Variants in SNX29 observed in about 807,000 individuals in gnomAD.
The protein encoded by SNX29 is sorting nexin 29, also known as sorting nexin-29.
A neutral mutation model predicts 102.1 loss-of-function variants in SNX29; 78 were observed. The observed-to-expected ratio is 0.76, with a 90% CI of 0.64 to 0.92. SNX29 has a LOEUF of 0.92. Among genes scored for constraint, SNX29 ranks in the 40% least tolerant of loss-of-function variants. SNX29 has a pLI of 0.00. For synonymous variants in SNX29, 580 were observed against 414.5 expected (o/e 1.40, Z -4.85); for missense variants, 1,280 against 1,061.7 (o/e 1.21, Z -2.86).
intron 13 of SNX29, among the ~76,000 whole-genome samples, chr16:12,174,057 C>T (rs1160275552): frequency 1.3e-5 from 2 of 152,226 alleles, no homozygotes; most frequent in South Asian, 2.1e-4. Flanking sequence ...GTTGGGATTA[C>T]AGACATGAGC....
At chr16:12,512,829 T>C (rs937175254) in intron 19 of SNX29, among the ~76,000 whole-genome samples, 11 of 152,142 alleles carry the variant, frequency 7.2e-5, no homozygotes, top group African/African-American at 1.7e-4. Flanking sequence ...ATGGACTCAA[T>C]CAATGCCTGG....
Position 12,008,518 on chromosome 16 carries a change from C to T in SNX29, c.122+5475C>T, listed in dbSNP as rs191561486. On this transcript the variant is annotated intron_variant, in intron 3 of 20. Coordinates refer to ENST00000566228, the MANE Select transcript of SNX29 (RefSeq NM_032167.5). ...TCCCGACCTCAGGTGATCCTCCCGCCTCGGCCTCCCAAAGTGCTGGGATTA... is the reference window on the plus strand; with the variant it reads ...TCCCGACCTCAGGTGATCCTCCCGCTTCGGCCTCCCAAAGTGCTGGGATTA... 1.3e-3 allele frequency among the ~76,000 whole-genome samples: 199 copies of T among 152,216 alleles called. 3 individuals are homozygous for T. In the Middle Eastern group the frequency reaches 0.024, roughly 18 times the overall value.
chr16:12,058,381 A>C lies in SNX29; in HGVS notation c.1125-3147A>C, dbSNP rs1322470730. 2.6e-5 allele frequency among the ~76,000 whole-genome samples: 4 copies of C among 152,032 alleles called. No individual in the cohort carries two copies. In the East Asian group the frequency reaches 7.7e-4, roughly 29 times the overall value. On this transcript the variant is annotated intron_variant, in intron 8 of 20. Coordinates refer to ENST00000566228, the MANE Select transcript of SNX29 (RefSeq NM_032167.5). ...AACAGTTGTAATAATGAGTGGTTTT[A>C]AGCCAATCAAGGCACCAGATACTGA...
chr16:12,291,411 C>T (rs978612866), intron 15 of SNX29, among the ~76,000 whole-genome samples: 11 of 152,256 alleles, frequency 7.2e-5, no homozygotes, highest in African/African-American at 1.2e-4. Flanking sequence ...GAGAACAGCA[C>T]GGGAAAGACC....
intron 13 of SNX29, among the ~76,000 whole-genome samples, chr16:12,182,933 C>CAAA (rs575698544): frequency 8.0e-4 from 37 of 46,350 alleles, no homozygotes; most frequent in Non-Finnish European, 9.4e-4. Flanking sequence ...GACTCTGTCT[C>CAAA]AAAAAAAAAA....
intron 14 of SNX29, among the ~76,000 whole-genome samples, chr16:12,234,276 G>C (rs1270071644): frequency 6.6e-6 from 1 of 152,124 alleles, no homozygotes; most frequent in African/African-American, 2.4e-5. Flanking sequence ...TTGCAAATCA[G>C]TGGTTTCAAT....
intron 15 of SNX29, among the ~76,000 whole-genome samples, chr16:12,311,752 G>A (rs753059126): frequency 1.3e-5 from 2 of 152,234 alleles, no homozygotes; most frequent in Non-Finnish European, 2.9e-5. Flanking sequence ...CAGAGAGCTT[G>A]GCCATCTCTG....
intron 17 of SNX29, among the ~76,000 whole-genome samples, chr16:12,400,536 A>G (rs765655597): frequency 6.6e-6 from 1 of 152,168 alleles, no homozygotes; most frequent in Admixed American, 6.5e-5. Context: ...CTCATCCTCA[A>G]CTTGGCCAAC....
chr16:12,570,027 A>G lies in SNX29; in HGVS notation c.*1398A>G. ...TAAAATGAGAACTGCCCAGGTGAGC[A>G]TGGAGCATCTCCTAGGCTCGAGGAC... is the stretch of plus-strand genomic sequence containing the variant. On this transcript the variant is annotated 3_prime_UTR_variant, in exon 21 of 21. Coordinates refer to ENST00000566228, the MANE Select transcript of SNX29 (RefSeq NM_032167.5). The G allele has an allele frequency of 2.8e-6, 1 of 354,658 alleles. No homozygotes were observed. Among genetic ancestry groups the G allele is most frequent in the East Asian group, 5.9e-5 (1 of 16,990 alleles). 22.0% of individuals were successfully genotyped at this position (354,658 alleles called of 1,614,324 possible). A position where few individuals can be genotyped will look rare whatever the true frequency, so the allele number is the denominator to read the frequency against.
At chr16:12,450,820 A>T (rs1110577) in intron 18 of SNX29, among the ~76,000 whole-genome samples, 59,698 of 151,812 alleles carry the variant, frequency 0.39, 11,996 homozygotes, top group African/African-American at 0.47. Context: ...TCGATCAGGG[A>T]CCATTTGGAG....
intron 1 of SNX29, among the ~76,000 whole-genome samples, chr16:11,993,706 C>T (rs1377312225): frequency 6.6e-6 from 1 of 152,110 alleles, no homozygotes; most frequent in African/African-American, 2.4e-5. Flanking sequence ...CTCTTTCTCT[C>T]CAGGAGGTCA....
At chr16:12,285,815 T>G (rs2079576404) in intron 15 of SNX29, among the ~76,000 whole-genome samples, 2 of 152,356 alleles carry the variant, frequency 1.3e-5, no homozygotes, top group South Asian at 4.1e-4. Flanking sequence ...TACATTAAAC[T>G]GATACTCAAA....
At chr16:12,390,672 A>T (rs2083498592) in intron 16 of SNX29, among the ~76,000 whole-genome samples, 1 of 152,184 alleles carries the variant, frequency 6.6e-6, no homozygotes, top group Admixed American at 6.5e-5. Context: ...GGTTTTCCAC[A>T]GAGCCCAGAA....
chr16:12,110,546 G>T (rs1219332053), intron 11 of SNX29, among the ~76,000 whole-genome samples: 1 of 152,176 alleles, frequency 6.6e-6, no homozygotes, highest in African/African-American at 2.4e-5. Context: ...TGCTAGGGAA[G>T]AGCAGGTGTG....
intron 20 of SNX29, among the ~76,000 whole-genome samples, chr16:12,549,926 C>T (rs1165182645): frequency 6.6e-6 from 1 of 152,362 alleles, no homozygotes; most frequent in African/African-American, 2.4e-5. Flanking sequence ...AAATCTTACC[C>T]TCCACCTGTT....
chr16:12,038,217 A>T (rs566073721), intron 4 of SNX29, among the ~76,000 whole-genome samples: 3 of 152,304 alleles, frequency 2.0e-5, no homozygotes, highest in Admixed American at 6.5e-5. Context: ...CACTGTACAG[A>T]TGAAGAAAGT....
intron 19 of SNX29, among the ~76,000 whole-genome samples, chr16:12,520,765 C>T (rs2090067222): frequency 2.4e-5 from 2 of 85,066 alleles, no homozygotes; most frequent in Non-Finnish European, 3.7e-5. Context: ...CAAATACATA[C>T]AGAGTGATAA....
chr16:12,212,439 C>T (rs2077211139), intron 14 of SNX29, among the ~76,000 whole-genome samples: 1 of 152,126 alleles, frequency 6.6e-6, no homozygotes. Flanking sequence ...GAAGAGGAGC[C>T]TGGGGAAGTG....
chr16:11,993,622 T>A (rs1172383263), intron 1 of SNX29, among the ~76,000 whole-genome samples: 1 of 151,720 alleles, frequency 6.6e-6, no homozygotes, highest in Non-Finnish European at 1.5e-5. Flanking sequence ...AGGAGGGAGG[T>A]TAAGTAACTT....
Sources: gnomAD v4.1 joint callset for allele counts (sites outside exome capture counted in the v4.1 genomes callset) on GRCh38, gnomAD v4.1.1 for gene constraint, MANE v1.5 for transcripts, NCBI Gene and HGNC (gene_info 2026-07-23, HGNC 2026-07-21) for gene names.